RAD21: variants seen among roughly 807,000 people sequenced by gnomAD.
The protein encoded by RAD21 is double-strand-break repair protein rad21 homolog.
In RAD21, 18 loss-of-function variants were observed where a neutral mutation model predicts 71.5. The observed-to-expected ratio is 0.25, with a 90% CI of 0.17 to 0.37. RAD21 has a LOEUF of 0.37. RAD21 is among the 10% of genes least tolerant of loss of function. The pLI, the probability that RAD21 is intolerant of heterozygous loss-of-function variation, is 1.00. For missense variants in RAD21, 493 were observed against 769.1 expected (o/e 0.64, Z 4.25); for synonymous variants, 248 against 254.0 (o/e 0.98, Z 0.22).
Position 116,848,906 on chromosome 8 carries a change from T to A in RAD21, c.1704+40A>T, listed in dbSNP as rs1379712550. 1.9e-6 allele frequency: 3 copies of A among 1,545,612 alleles called. No homozygotes were observed. In the South Asian group the frequency reaches 3.6e-5, roughly 19 times the overall value. The stretch of plus-strand genomic sequence containing the variant: ...TTTTCAGGGAACAATGGCAAAAGCC[T>A]TTGATGAAGCATTTTCCTCTGAGAC... On this transcript the variant is annotated intron_variant, in intron 13 of 13. Transcript: ENST00000297338.
At position 116,871,827 on chromosome 8, in the gene RAD21, G is replaced by A. The variant is rs16889136; in HGVS notation, c.-33+2784C>T. On this transcript the variant is annotated intron_variant, in intron 1 of 13. Coordinates refer to ENST00000297338, the MANE Select transcript of RAD21 (RefSeq NM_006265.3). ...TTTAGAGATGGAGAAAACAGATGAAGATAAGTAAATGTCACTAGTATTTAA... is the reference window on the plus strand; with the variant it reads ...TTTAGAGATGGAGAAAACAGATGAAAATAAGTAAATGTCACTAGTATTTAA... Among the ~76,000 whole-genome samples, 1,487 of 152,316 alleles carry A rather than the reference G, an allele frequency of 9.8e-3. 18 individuals carry two copies. Among genetic ancestry groups the A allele is most frequent in the Non-Finnish European group, 0.014 (922 of 68,030 alleles).
In RAD21 at chr8:116,847,370, A is replaced by T; in HGVS notation, c.*130T>A. 1 of 753,038 alleles carries T rather than the reference A, an allele frequency of 1.3e-6. No homozygotes were observed. Among genetic ancestry groups the T allele is most frequent in the Non-Finnish European group, 2.1e-6 (1 of 482,822 alleles). 46.6% of individuals were successfully genotyped at this position (753,038 alleles called of 1,614,324 possible). A position where few individuals can be genotyped will look rare whatever the true frequency, so the allele number is the denominator to read the frequency against. Reference sequence around the variant, plus strand: ...AATTTAATGTACTGGAAAAAAATGAAGAAGGAAAAAGGCAAAGACTTTGTA... The same window carrying T: ...AATTTAATGTACTGGAAAAAAATGATGAAGGAAAAAGGCAAAGACTTTGTA... On this transcript the variant is annotated 3_prime_UTR_variant, in exon 14 of 14. Transcript: ENST00000297338.
intron 4 of RAD21, among the ~76,000 whole-genome samples, chr8:116,861,206 TAG>T (rs369286567): frequency 4.5e-4 from 69 of 152,158 alleles, no homozygotes; most frequent in East Asian, 3.7e-3. Context: ...TGTAATGGTG[TAG>T]AGTTTCTTGG....
intron 2 of RAD21, among the ~76,000 whole-genome samples, chr8:116,865,523 A>G (rs1475400288): frequency 1.3e-5 from 2 of 152,182 alleles, no homozygotes; most frequent in East Asian, 1.9e-4. Context: ...CTGTTAGTGC[A>G]TATCACAAAT....
intron 2 of RAD21, among the ~76,000 whole-genome samples, chr8:116,865,377 T>C (rs753913184): frequency 6.6e-6 from 1 of 152,102 alleles, no homozygotes; most frequent in Non-Finnish European, 1.5e-5. Context: ...CACATATACT[T>C]TCCAGAAAGG....
chr8:116,872,321 A>G (rs1278050505), intron 1 of RAD21, among the ~76,000 whole-genome samples: 1 of 152,218 alleles, frequency 6.6e-6, no homozygotes, highest in African/African-American at 2.4e-5. Context: ...AAACAAGAAT[A>G]CAACATTTGT....
At chr8:116,855,353 T>TTA (rs1812439727) in intron 8 of RAD21, among the ~76,000 whole-genome samples, 1 of 152,102 alleles carries the variant, frequency 6.6e-6, no homozygotes, top group South Asian at 2.1e-4. Flanking sequence ...CTAGAAATTG[T>TTA]TAGGTTTTAT....
chr8:116,856,804 GA>G, intron 6 of RAD21, 33 bp from the exon 7 acceptor site: 1 of 1,433,100 alleles, frequency 7.0e-7, no homozygotes, highest in Non-Finnish European at 9.3e-7. Flanking sequence ...GTTATAATTT[GA>G]AAAAGAAATG....
chr8:116,858,961 C>CCAAGT (rs931440243), intron 4 of RAD21, among the ~76,000 whole-genome samples: 5 of 151,888 alleles, frequency 3.3e-5, no homozygotes, highest in Admixed American at 6.6e-5. Context: ...AAACAACTGA[C>CCAAGT]CAAGTCTGTA....
chr8:116,857,036 A>G (rs1812485543), intron 6 of RAD21, among the ~76,000 whole-genome samples: 1 of 152,170 alleles, frequency 6.6e-6, no homozygotes, highest in African/African-American at 2.4e-5. Flanking sequence ...CACAAACAGA[A>G]CAGTTTTAAG....
At position 116,856,707 on chromosome 8, in the gene RAD21, TGCCTCAGAGAGGGCA is replaced by T; in HGVS notation, c.738_752del (p.Ala247_Ala251del). On this transcript the variant is annotated inframe_deletion, in exon 7 of 14. Transcript: ENST00000297338. ...CAGGCTGCTCTGGCAACATCACCCC[TGCCTCAGAGAGGGCA>T]GGGGGATCATCAAAGATACCGCCAT... is the stretch of plus-strand genomic sequence containing the variant. The T allele has an allele frequency of 6.3e-7, 1 of 1,592,096 alleles. No individual in the cohort carries two copies. Among genetic ancestry groups the T allele is most frequent in the Non-Finnish European group, 8.6e-7 (1 of 1,168,598 alleles).
chr8:116,858,238 G>A (rs1473630854), intron 5 of RAD21, 114 bp downstream of exon 5: 1 of 733,758 alleles, frequency 1.4e-6, no homozygotes, highest in Non-Finnish European at 2.2e-6. Flanking sequence ...TGATGAAAAT[G>A]CATTACATGA....
At chr8:116,858,714 G>A (rs376246499) in intron 4 of RAD21, among the ~76,000 whole-genome samples, 1 of 152,120 alleles carries the variant, frequency 6.6e-6, no homozygotes, top group Middle Eastern at 3.4e-3. Flanking sequence ...ACTAAATCAA[G>A]TACAGAGGAA....
intron 12 of RAD21, chr8:116,849,249 A>T: frequency 2.4e-6 from 1 of 421,136 alleles, no homozygotes; most frequent in Non-Finnish European, 4.2e-6. Flanking sequence ...TGTGCAAGCA[A>T]ACATTTGGCT....
intron 2 of RAD21, among the ~76,000 whole-genome samples, chr8:116,864,325 T>G (rs1563693090): frequency 6.6e-6 from 1 of 152,142 alleles, no homozygotes; most frequent in Non-Finnish European, 1.5e-5. Flanking sequence ...AAACATTTGC[T>G]TAATGTTTAA....
intron 1 of RAD21, 23 bp downstream of exon 1, chr8:116,874,588 A>T (rs1812931174): frequency 3.1e-6 from 1 of 322,680 alleles, no homozygotes; most frequent in African/African-American, 2.3e-5. Flanking sequence ...GGAGGAAAAG[A>T]AGGGGTCGGC....
At chr8:116,849,196 C>T in intron 12 of RAD21, 167 bp from the exon 13 acceptor site, 1 of 473,968 alleles carries the variant, frequency 2.1e-6, no homozygotes, top group Non-Finnish European at 3.7e-6. Context: ...AGAGTACAAA[C>T]TGAAGAGTCT....
At chr8:116,873,644 T>C (rs1025801836) in intron 1 of RAD21, among the ~76,000 whole-genome samples, 4 of 152,042 alleles carry the variant, frequency 2.6e-5, no homozygotes, top group Non-Finnish European at 5.9e-5. Flanking sequence ...CTGTTTTTTT[T>C]TTCACGCTGA....
At position 116,866,758 on chromosome 8, in the gene RAD21, A is replaced by G; in HGVS notation, c.-29T>C. 6.4e-7 allele frequency: 1 copy of G among 1,568,826 alleles called. No individual in the cohort carries two copies. The highest frequency in any genetic ancestry group is 8.6e-7 in the Non-Finnish European group (1 of 1,158,824). ...TCTGGCTGGCTATGAAAACAGAAGA[A>G]AACCTAAGAGGGGAAAAAAAAGTTA... On this transcript the variant is annotated 5_prime_UTR_variant, in exon 2 of 14. Transcript: ENST00000297338.
Sources: gnomAD v4.1 joint callset for allele counts (sites outside exome capture counted in the v4.1 genomes callset) on GRCh38, gnomAD v4.1.1 for gene constraint, MANE v1.5 for transcripts, NCBI Gene and HGNC (gene_info 2026-07-23, HGNC 2026-07-21) for gene names.